PRKD1: variants seen among roughly 807,000 people sequenced by gnomAD.
The protein encoded by PRKD1 is protein kinase D1.
PRKD1 carries 63 observed loss-of-function variants against 95.9 expected under a neutral mutation model. The ratio of observed to expected loss-of-function variants is 0.66; its 90% CI spans 0.54 to 0.81. The LOEUF is 0.81. Among genes scored for constraint, PRKD1 ranks in the 30% least tolerant of loss-of-function variants. The pLI, the probability that PRKD1 is intolerant of heterozygous loss-of-function variation, is 0.00. For synonymous variants in PRKD1, 425 were observed against 423.1 expected, an observed-to-expected ratio of 1.00 and a Z score of -0.05; for missense variants, 1,048 against 1,165.3, an observed-to-expected ratio of 0.90 and a Z score of 1.47.
intron 2 of PRKD1, among the ~76,000 whole-genome samples, chr14:29,723,818 T>G (rs1004699403): frequency 1.3e-5 from 2 of 152,028 alleles, no homozygotes; most frequent in Non-Finnish European, 2.9e-5. Context: ...AAATAGCTGG[T>G]AAGAGTAAGG....
chr14:29,849,529 G>A (rs1004636107), intron 1 of PRKD1, among the ~76,000 whole-genome samples: 31 of 151,300 alleles, frequency 2.0e-4, no homozygotes, highest in African/African-American at 7.1e-4. Context: ...AACAGAACAT[G>A]AGTTAAAAAA....
intron 1 of PRKD1, among the ~76,000 whole-genome samples, chr14:29,920,041 G>A (rs1157813369): frequency 1.4e-5 from 2 of 138,528 alleles, no homozygotes; most frequent in African/African-American, 6.0e-5. Flanking sequence ...AGGAAGGAAG[G>A]AAGGAAGGAA....
At position 29,666,176 on chromosome 14, in the gene PRKD1, G is replaced by T. The variant is rs1882494831; in HGVS notation, c.436C>A (p.Pro146Thr). The T allele has an allele frequency of 6.2e-7, 1 of 1,601,850 alleles. No individual in the cohort carries two copies. The change falls in exon 3 of 18, where the codon CCC becomes ACC. Residue 146 changes from proline to threonine, a missense_variant. Transcript: ENST00000331968. Reference protein sequence around the residue: ...SATFEDFQIRPHALFVHSYRA... With the variant: ...SATFEDFQIRTHALFVHSYRA... Reference sequence around the variant, plus strand: ...TATGAATGAACAAAGAGAGCGTGGGGACGAATCTGAAAGTCTTCAAAGGTG... The same window carrying T: ...TATGAATGAACAAAGAGAGCGTGGGTACGAATCTGAAAGTCTTCAAAGGTG...
At chr14:29,916,569 C>A (rs948099774) in intron 1 of PRKD1, among the ~76,000 whole-genome samples, 3 of 152,152 alleles carry the variant, frequency 2.0e-5, no homozygotes, top group African/African-American at 7.2e-5. Context: ...GTGGTCATAA[C>A]CTCTAGTGTT....
chr14:29,884,346 T>C (rs1345021783), intron 1 of PRKD1, among the ~76,000 whole-genome samples: 1 of 152,192 alleles, frequency 6.6e-6, no homozygotes, highest in Non-Finnish European at 1.5e-5. Flanking sequence ...TTACCAAACA[T>C]ACAAATGTAT....
At chr14:29,754,848 C>A (rs1042601913) in intron 1 of PRKD1, among the ~76,000 whole-genome samples, 4 of 151,956 alleles carry the variant, frequency 2.6e-5, no homozygotes, top group Admixed American at 6.6e-5. Flanking sequence ...TATTTTTTAT[C>A]CAACTGATAT....
At chr14:29,918,639 A>G (rs571560209) in intron 1 of PRKD1, among the ~76,000 whole-genome samples, 7 of 152,162 alleles carry the variant, frequency 4.6e-5, no homozygotes, top group Admixed American at 1.3e-4. Flanking sequence ...CTCCTCCCCA[A>G]TCTCTCTGAC....
At chr14:29,735,277 G>T (rs1156708950) in intron 1 of PRKD1, among the ~76,000 whole-genome samples, 2 of 152,158 alleles carry the variant, frequency 1.3e-5, no homozygotes, top group East Asian at 1.9e-4. Flanking sequence ...AATACAAAAT[G>T]TATGAATTAT....
At chr14:29,755,113 T>C (rs1887638275) in intron 1 of PRKD1, among the ~76,000 whole-genome samples, 1 of 152,172 alleles carries the variant, frequency 6.6e-6, no homozygotes, top group South Asian at 2.1e-4. Context: ...TTTCTAAAAG[T>C]TGATCTTGGA....
At chr14:29,746,061 C>T (rs1446674882) in intron 1 of PRKD1, among the ~76,000 whole-genome samples, 1 of 152,118 alleles carries the variant, frequency 6.6e-6, no homozygotes, top group Non-Finnish European at 1.5e-5. Flanking sequence ...AGCTCAGACA[C>T]ACTTGAGCAC....
intron 14 of PRKD1, among the ~76,000 whole-genome samples, chr14:29,599,413 A>C (rs1893430282): frequency 6.6e-6 from 1 of 152,216 alleles, no homozygotes; most frequent in Non-Finnish European, 1.5e-5. Context: ...ACCAATGTAC[A>C]TTTTAAAATT....
intron 1 of PRKD1, among the ~76,000 whole-genome samples, chr14:29,851,728 C>T (rs1386392836): frequency 2.0e-5 from 3 of 152,114 alleles, no homozygotes; most frequent in African/African-American, 7.2e-5. Flanking sequence ...AATATCATTA[C>T]TGGATCTGTA....
chr14:29,797,301 G>C (rs1411503114), intron 1 of PRKD1, among the ~76,000 whole-genome samples: 1 of 152,122 alleles, frequency 6.6e-6, no homozygotes, highest in Non-Finnish European at 1.5e-5. Flanking sequence ...GTTTGTAAGC[G>C]ATGGATTAAA....
At chr14:29,703,343 T>C (rs1884930637) in intron 2 of PRKD1, among the ~76,000 whole-genome samples, 1 of 152,218 alleles carries the variant, frequency 6.6e-6, no homozygotes, top group South Asian at 2.1e-4. Context: ...GCACAGGGTA[T>C]GACAGCTAAA....
intron 1 of PRKD1, among the ~76,000 whole-genome samples, chr14:29,809,537 C>T (rs1426141891): frequency 1.3e-5 from 2 of 152,230 alleles, no homozygotes; most frequent in African/African-American, 4.8e-5. Context: ...TACATCAGCA[C>T]TTGCTGCTAC....
intron 1 of PRKD1, among the ~76,000 whole-genome samples, chr14:29,916,271 C>T (rs566541138): frequency 6.6e-6 from 1 of 152,300 alleles, no homozygotes; most frequent in Admixed American, 6.5e-5. Flanking sequence ...AGGACTACTC[C>T]GCTTGTAAAA....
Position 29,594,508 on chromosome 14 carries a change from G to C in PRKD1, c.2434+2983C>G, listed in dbSNP as rs568213509. Among the ~76,000 whole-genome samples, 3 of 152,190 alleles carry C rather than the reference G, an allele frequency of 2.0e-5. No homozygotes were observed. In the South Asian group the frequency reaches 6.2e-4, roughly 32 times the overall value. On this transcript the variant is annotated intron_variant, in intron 16 of 17. Coordinates refer to ENST00000331968, the MANE Select transcript of PRKD1 (RefSeq NM_002742.3). ...TTGTAAAACCTCATTATGTAGGTGG[G>C]AATCATTTCCCATTTTACAGATGAG...
chr14:29,631,003 T>C lies in PRKD1; in HGVS notation c.1411A>G (p.Ile471Val), dbSNP rs1879970015. Residue 471 changes from isoleucine to valine, a missense_variant, in exon 10 of 18, where the codon ATT (isoleucine) becomes GTT (valine). Physicochemically the swap from Ile to Val is conservative, Grantham distance 29. Transcript: ENST00000331968. ...GTTTTTACTGGTTCCAGAGACAAAA[T>C]TTCAGATAAAGGAATTTCCTGTGAA... The part of the protein sequence containing the change: ...RYYKEIPLSE[I>V]LSLEPVKTSA... 1.2e-6 allele frequency: 2 copies of C among 1,608,126 alleles called. No individual in the cohort carries two copies. The highest frequency in any genetic ancestry group is 1.3e-5 in the African/African-American group (1 of 74,642).
intron 2 of PRKD1, among the ~76,000 whole-genome samples, chr14:29,724,267 C>T (rs1886038425): frequency 6.6e-6 from 1 of 152,132 alleles, no homozygotes; most frequent in Non-Finnish European, 1.5e-5. Context: ...TGGACATTGA[C>T]ACAAGGCAAA....
Sources: allele counts gnomAD v4.1 joint callset (sites outside exome capture counted in the v4.1 genomes callset), GRCh38; gene constraint gnomAD v4.1.1; transcripts MANE v1.5; gene names NCBI Gene and HGNC (gene_info 2026-07-23, HGNC 2026-07-21).